PTPRG: variants seen among roughly 807,000 people sequenced by gnomAD.
PTPRG encodes receptor-type tyrosine-protein phosphatase gamma.
Under a neutral mutation model 165.3 loss-of-function variants are expected in PTPRG, and 102 were observed. The observed-to-expected ratio is 0.62, with a 90% confidence interval of 0.53 to 0.73. The LOEUF (loss-of-function observed/expected upper bound fraction) is 0.73. PTPRG is among the 30% of genes least tolerant of loss of function. PTPRG has a pLI of 0.00. For synonymous variants in PTPRG, 675 were observed against 669.5 expected (o/e 1.01, Z -0.13); for missense variants, 1,866 against 1,861.4 (o/e 1.00, Z -0.05).
chr3:62,096,995 C>T (rs555073114), intron 5 of PTPRG, among the ~76,000 whole-genome samples: 4 of 152,238 alleles, frequency 2.6e-5, no homozygotes, highest in African/African-American at 9.6e-5. Flanking sequence ...AGCAAAAATC[C>T]GCCCATCTTA....
rs1700678163 is a variant in PTPRG, at chr3:62,222,770, C to A, written c.2288+3787C>A. Among the ~76,000 whole-genome samples, 1 of 152,108 alleles carries A rather than the reference C, an allele frequency of 6.6e-6. No homozygotes were observed. Among genetic ancestry groups the A allele is most frequent in the African/African-American group, 2.4e-5 (1 of 41,426 alleles). On this transcript the variant is annotated intron_variant, in intron 13 of 29. Transcript: ENST00000474889. The surrounding 1 kb of genome is among the most constrained non-coding windows in gnomAD (Gnocchi z 4.5). ...GTGCACTGGAGCCATTTTCAGCTTC[C>A]TATTATTTATGCAATGCTTACAGAG...
intron 16 of PTPRG, among the ~76,000 whole-genome samples, chr3:62,256,050 C>T (rs1247011373): frequency 6.6e-6 from 1 of 152,156 alleles, no homozygotes; most frequent in Admixed American, 6.5e-5. Flanking sequence ...GCCAAGTTTT[C>T]ATGGCAGCTC....
intron 1 of PTPRG, among the ~76,000 whole-genome samples, chr3:61,567,487 C>G (rs538224050): frequency 6.6e-6 from 1 of 151,908 alleles, no homozygotes; most frequent in South Asian, 2.1e-4. Context: ...GCCAGGGCAA[C>G]ATAGGGAGAC....
chr3:61,622,206 CA>C (rs1234126001), intron 1 of PTPRG, among the ~76,000 whole-genome samples: 1 of 152,210 alleles, frequency 6.6e-6, no homozygotes, highest in Non-Finnish European at 1.5e-5. Flanking sequence ...CCTCGCTCAA[CA>C]GGTAATCAAA....
rs1455049565 is a variant in PTPRG at position 62,220,561 on chromosome 3, AG to A, written c.2288+1580del. ...GAAGAATAAGGAAGGAGGTCATCTC[AG>A]GTTTCCTCGGGCGTCTGACGGTAAC... On this transcript the variant is annotated intron_variant, in intron 13 of 29. Coordinates refer to ENST00000474889, the MANE Select transcript of PTPRG (RefSeq NM_002841.4). Among the ~76,000 whole-genome samples the A allele has an allele frequency of 3.3e-5, 5 of 152,322 alleles. No homozygotes were observed. The East Asian group carries it at 9.7e-4, about 29-fold the overall frequency.
At chr3:62,036,380 T>G (rs1699936017) in intron 4 of PTPRG, among the ~76,000 whole-genome samples, 1 of 152,208 alleles carries the variant, frequency 6.6e-6, no homozygotes, top group South Asian at 2.1e-4. Flanking sequence ...CTCTTTTTCT[T>G]CCCAGCTTCT....
chr3:61,757,386 A>T (rs749262433), intron 2 of PTPRG, among the ~76,000 whole-genome samples: 4 of 152,118 alleles, frequency 2.6e-5, no homozygotes, highest in Non-Finnish European at 5.9e-5. Flanking sequence ...AATGGTATCA[A>T]ATTCAGGCAG....
In PTPRG at chr3:62,267,764, G is replaced by A; in HGVS notation, c.2819G>A (p.Trp940Ter). 6.2e-7 allele frequency: 1 copy of A among 1,613,370 alleles called. No individual in the cohort carries two copies. The highest frequency in any genetic ancestry group is 8.5e-7 in the Non-Finnish European group (1 of 1,179,504). The stretch of plus-strand genomic sequence containing the variant: ...TTTGAAGATTTCTGGAGGATGATTT[G>A]GGAACAAAACACTGGAATCATTGTG... ...STFEDFWRMI[W>*]EQNTGIIVMI... Residue 940 changes from tryptophan to a stop codon, truncating the protein, a stop_gained, in exon 19 of 30, where the codon TGG (tryptophan) becomes TAG (stop). Transcript: ENST00000474889. LOFTEE classifies it high-confidence loss of function.
Position 62,273,147 on chromosome 3 carries a change from GATA to G in PTPRG, c.3318+69_3318+71del. On this transcript the variant is annotated intron_variant, in intron 22 of 29. Transcript: ENST00000474889. This position sits in a 1 kb window ranked among gnomAD's most constrained non-coding sequence, Gnocchi z 4.1. ...ATGCTGTAACTGAAATTTGTTAAAT[GATA>G]ATGAAGAGACAGATTCATTCTTTTA... 2 of 1,490,352 alleles carry G rather than the reference GATA, an allele frequency of 1.3e-6. No individual in the cohort carries two copies. Among genetic ancestry groups the G allele is most frequent in the Admixed American group, 4.4e-5 (2 of 45,644 alleles). 92.3% of individuals were successfully genotyped at this position (1,490,352 alleles called of 1,614,324 possible).
At position 62,281,703 on chromosome 3, in the gene PTPRG, T is replaced by C; in HGVS notation, c.3906T>C (p.Ala1302=). The change falls in exon 27 of 30, where the codon GCT becomes GCC. Residue 1302 remains alanine, a synonymous_variant. Coordinates refer to ENST00000474889, the MANE Select transcript of PTPRG (RefSeq NM_002841.4). ...QIIIHDFILE[A]TQDDYVLEVR... ...TCATCCATGACTTTATCCTTGAAGC[T>C]ACACAGGTAACCTAAACCTCAGTTC... 2 of 1,611,156 alleles carry C rather than the reference T, an allele frequency of 1.2e-6. No homozygotes were observed. The highest frequency in any genetic ancestry group is 8.5e-7 in the Non-Finnish European group (1 of 1,178,380).
intron 1 of PTPRG, among the ~76,000 whole-genome samples, chr3:61,575,213 T>C (rs991966337): frequency 6.6e-6 from 1 of 152,168 alleles, no homozygotes; most frequent in South Asian, 2.1e-4. Context: ...TGCTGCTCCT[T>C]ATGATGCGAA....
chr3:62,178,928 A>C (rs1327233274), intron 8 of PTPRG, among the ~76,000 whole-genome samples: 1 of 152,202 alleles, frequency 6.6e-6, no homozygotes, highest in Admixed American at 6.5e-5. Context: ...TTACTCCCAG[A>C]GCAGCACACT....
At chr3:61,862,082 A>G (rs995332882) in intron 2 of PTPRG, among the ~76,000 whole-genome samples, 1 of 152,114 alleles carries the variant, frequency 6.6e-6, no homozygotes, top group Non-Finnish European at 1.5e-5. Flanking sequence ...GTGAGCAGCT[A>G]TGAGTGAGCT....
intron 5 of PTPRG, among the ~76,000 whole-genome samples, chr3:62,083,258 C>CTT (rs35015867): frequency 0.28 from 40,786 of 146,262 alleles, 6,991 homozygotes; most frequent in African/African-American, 0.5. Context: ...TTTGCCATTA[C>CTT]TTTTTTTTTT....
chr3:61,699,077 G>C (rs1029432660), intron 1 of PTPRG, among the ~76,000 whole-genome samples: 5 of 152,090 alleles, frequency 3.3e-5, no homozygotes, highest in African/African-American at 7.2e-5. Context: ...GTTAAATCAC[G>C]AGTTAATGGG....
intron 1 of PTPRG, among the ~76,000 whole-genome samples, chr3:61,662,780 C>T (rs542064714): frequency 2.6e-5 from 4 of 152,218 alleles, no homozygotes; most frequent in Non-Finnish European, 5.9e-5. Flanking sequence ...TGGTACTTAG[C>T]ATCAACAAGG....
At chr3:61,961,422 A>G (rs1311113936) in intron 2 of PTPRG, among the ~76,000 whole-genome samples, 1 of 152,168 alleles carries the variant, frequency 6.6e-6, no homozygotes, top group South Asian at 2.1e-4. Context: ...ACTTAATTAA[A>G]TAAATGAAAA....
At chr3:61,721,904 G>A (rs948896868) in intron 1 of PTPRG, among the ~76,000 whole-genome samples, 3 of 152,164 alleles carry the variant, frequency 2.0e-5, no homozygotes, top group Admixed American at 6.5e-5. Flanking sequence ...CTGACTTTCT[G>A]CTCTGTCATC....
chr3:61,801,935 G>A (rs1272393295), intron 2 of PTPRG, among the ~76,000 whole-genome samples: 2 of 150,094 alleles, frequency 1.3e-5, no homozygotes, highest in Middle Eastern at 3.2e-3. Context: ...TGAGGCAGGA[G>A]AATCACTTGA....
Sources: gnomAD v4.1 joint callset for allele counts (sites outside exome capture counted in the v4.1 genomes callset) on GRCh38, gnomAD v4.1.1 for gene constraint, Gnocchi (gnomAD v3.1) non-coding constraint, MANE v1.5 for transcripts, NCBI Gene and HGNC (gene_info 2026-07-23, HGNC 2026-07-21) for gene names.